PPEF1: variants seen among roughly 807,000 people sequenced by gnomAD.
PPEF1 encodes serine/threonine-protein phosphatase with EF-hands 1.
In PPEF1, 12 loss-of-function variants were observed where a neutral mutation model predicts 53.3. The ratio of observed to expected loss-of-function variants is 0.23; its 90% confidence interval spans 0.14 to 0.36. The LOEUF (loss-of-function observed/expected upper bound fraction) is 0.36, where lower values mean the gene tolerates loss of function less well. PPEF1 is among the 10% of genes least tolerant of loss of function. PPEF1 has a pLI of 1.00. For synonymous variants in PPEF1, 165 were observed against 176.7 expected, an observed-to-expected ratio of 0.93 and a Z score of 0.52; for missense variants, 334 against 490.4, an observed-to-expected ratio of 0.68 and a Z score of 3.01.
upstream of PPEF1, among the ~76,000 whole-genome samples, chrX:18,679,718 C>G (rs926256055): frequency 9.0e-5 from 10 of 111,425 alleles, no homozygotes; most frequent in Admixed American, 3.9e-4. Context: ...CTGTGCAAAA[C>G]CCTTCAATGG....
At chrX:18,770,659 C>T (rs866767744) in intron 6 of PPEF1, among the ~76,000 whole-genome samples, 5 of 111,605 alleles carry the variant, frequency 4.5e-5, no homozygotes, top group Admixed American at 1.9e-4. Context: ...TAACTGAAGA[C>T]ATTCATTACT....
intron 7 of PPEF1, among the ~76,000 whole-genome samples, chrX:18,781,008 A>C (rs1419095813): frequency 2.0e-5 from 2 of 102,208 alleles, no homozygotes; most frequent in Non-Finnish European, 3.9e-5. Context: ...GTGAGCTGAG[A>C]TAGCGCCACT....
At chrX:18,789,075 G>T in intron 9 of PPEF1, 46 bp from the exon 10 acceptor site, 3 of 1,186,062 alleles carry the variant, frequency 2.5e-6, no homozygotes, top group Non-Finnish European at 3.4e-6. Context: ...TCTGTATGTG[G>T]CAGAATAAGC....
intron 6 of PPEF1, among the ~76,000 whole-genome samples, chrX:18,778,419 G>A (rs992363045): frequency 3.6e-5 from 4 of 110,994 alleles, no homozygotes; most frequent in Admixed American, 9.6e-5. Context: ...GAATATACCC[G>A]GGCTCTGCAC....
chrX:18,758,196 G>T (rs2045586894), intron 5 of PPEF1, among the ~76,000 whole-genome samples: 1 of 111,251 alleles, frequency 9.0e-6, no homozygotes, highest in South Asian at 3.9e-4. Flanking sequence ...TAGAAGAGTG[G>T]GAATGTCCCA....
Position 18,782,413 on chromosome X carries a change from CTT to C in PPEF1, c.762+26_762+27del, listed in dbSNP as rs11360277. ...TTGCATAAATATAAGGTAAGACATG[CTT>C]TTTTTTTTTTTTTTAGTATTCACTT... On this transcript the variant is annotated intron_variant, in intron 8 of 15. Transcript: ENST00000470157. 0.085 allele frequency: 70,355 copies of C among 824,542 alleles called. 1 individual carries two copies. Among genetic ancestry groups the C allele is most frequent in the Non-Finnish European group, 0.094 (57,615 of 614,911 alleles). 68.0% of individuals were successfully genotyped at this position (824,542 alleles called of 1,213,427 possible).
At chrX:18,781,759 C>A (rs965939154) in intron 7 of PPEF1, among the ~76,000 whole-genome samples, 1 of 111,086 alleles carries the variant, frequency 9.0e-6, no homozygotes, top group Admixed American at 9.6e-5. Flanking sequence ...TATCCTAAAG[C>A]AAGGAAAGGT....
At position 18,773,357 on chromosome X, in the gene PPEF1, C is replaced by T. The variant is rs765944475; in HGVS notation, c.559-5653C>T. Among the ~76,000 whole-genome samples the T allele has an allele frequency of 8.1e-5, 9 of 111,490 alleles. No individual in the cohort carries two copies. In the East Asian group the frequency reaches 1.4e-3, roughly 18 times the overall value. ...CTTTAATCTTAAACTCTACTTTGCC[C>T]GGTATTAATATTTCCATTCTTGCTT... On this transcript the variant is annotated intron_variant, in intron 6 of 15. Transcript: ENST00000470157.
At chrX:18,710,031 T>C (rs965935328) in intron 1 of PPEF1, among the ~76,000 whole-genome samples, 2 of 111,958 alleles carry the variant, frequency 1.8e-5, no homozygotes, top group Non-Finnish European at 3.8e-5. Flanking sequence ...TTGTCTGTCC[T>C]TTTGATTTTA....
At chrX:18,737,336 A>G (rs867045747) in intron 3 of PPEF1, among the ~76,000 whole-genome samples, 27 of 111,771 alleles carry the variant, frequency 2.4e-4, no homozygotes, top group African/African-American at 8.8e-4. Context: ...CTTTGTTCTC[A>G]TTGGTTTCAA....
chrX:18,762,683 C>G (rs1259025760), intron 6 of PPEF1, among the ~76,000 whole-genome samples: 2 of 111,767 alleles, frequency 1.8e-5, no homozygotes, highest in Non-Finnish European at 3.8e-5. Context: ...AGGGTAACTT[C>G]CTGAGGTTGC....
At chrX:18,751,647 G>A (rs2045446425) in intron 4 of PPEF1, among the ~76,000 whole-genome samples, 1 of 111,914 alleles carries the variant, frequency 8.9e-6, no homozygotes, top group Non-Finnish European at 1.9e-5. Flanking sequence ...AGGCATGGTG[G>A]CTCATGCCTG....
intron 12 of PPEF1, among the ~76,000 whole-genome samples, chrX:18,809,093 A>ATCTATCTGTCTGTCTG (rs2046747577): frequency 2.9e-5 from 1 of 34,409 alleles, no homozygotes; most frequent in African/African-American, 1.2e-4. Flanking sequence ...ATCACATTAT[A>ATCTATCTGTCTGTCTG]TCTATCTATC....
At chrX:18,814,472 A>C (rs1042134657) in intron 12 of PPEF1, among the ~76,000 whole-genome samples, 1 of 112,098 alleles carries the variant, frequency 8.9e-6, no homozygotes, top group Non-Finnish European at 1.9e-5. Context: ...GTGTATAAGC[A>C]TTCCCTTTTC....
chrX:18,721,781 C>G (rs1014887608), intron 1 of PPEF1, among the ~76,000 whole-genome samples: 23 of 112,149 alleles, frequency 2.1e-4, no homozygotes, highest in African/African-American at 7.1e-4. Context: ...TATTCTCGCT[C>G]TTGTCTCACT....
At position 18,710,935 on chromosome X, in the gene PPEF1, T is replaced by C. The variant is rs943093888; in HGVS notation, c.46+3109T>C. On this transcript the variant is annotated intron_variant, in intron 1 of 15. Transcript: ENST00000470157. The stretch of plus-strand genomic sequence containing the variant: ...CAAAGATATGGAATCACCGTAAGTG[T>C]TTTTCAATGGATGATTGGGTAAAGA... 1.1e-4 allele frequency among the ~76,000 whole-genome samples: 12 copies of C among 110,670 alleles called. No individual in the cohort carries two copies. In the Admixed American group the frequency reaches 1.2e-3, roughly 11 times the overall value.
chrX:18,720,586 C>T (rs762110449), intron 1 of PPEF1, among the ~76,000 whole-genome samples: 20 of 109,391 alleles, frequency 1.8e-4, no homozygotes, highest in African/African-American at 5.7e-4. Context: ...AGTGAGACTC[C>T]GTCTCAAAAA....
intron 8 of PPEF1, among the ~76,000 whole-genome samples, chrX:18,783,185 C>A (rs2147599719): frequency 1.8e-5 from 2 of 108,344 alleles, no homozygotes; most frequent in African/African-American, 6.7e-5. Flanking sequence ...TTAGGACTGA[C>A]CAATTTGAGT....
upstream of PPEF1, among the ~76,000 whole-genome samples, chrX:18,681,122 G>A (rs932681886): frequency 4.5e-5 from 5 of 111,334 alleles, no homozygotes; most frequent in Non-Finnish European, 9.4e-5. Context: ...AATCCTTTGG[G>A]TATATACCCA....
Sources: allele counts gnomAD v4.1 joint callset (sites outside exome capture counted in the v4.1 genomes callset), GRCh38; gene constraint gnomAD v4.1.1; transcripts MANE v1.5; gene names NCBI Gene and HGNC (gene_info 2026-07-23, HGNC 2026-07-21).